The following FBLN7 variants were observed in gnomAD, a reference collection of about 807,000 sequenced individuals.
FBLN7 encodes the protein fibulin 7.
A neutral mutation model predicts 44.0 loss-of-function variants in FBLN7; 31 were observed. The observed-to-expected ratio is 0.70, with a 90% CI of 0.53 to 0.95. The LOEUF is 0.95. Ranked by LOEUF, FBLN7 falls within the 40% of genes least tolerant of loss-of-function variation. The pLI is 0.00. For missense variants in FBLN7, 573 were observed against 618.5 expected (o/e 0.93, Z 0.78); for synonymous variants, 262 against 253.4 (o/e 1.03, Z -0.32).
downstream of FBLN7, among the ~76,000 whole-genome samples, chr2:112,193,212 G>A (rs890203349): frequency 5.9e-5 from 9 of 152,172 alleles, no homozygotes; most frequent in African/African-American, 1.9e-4. Flanking sequence ...TGGCCAAGGC[G>A]AGTGGATCAC....
intron 4 of FBLN7, chr2:112,176,833 CAA>C (rs1179329563): frequency 6.6e-6 from 1 of 152,098 alleles, no homozygotes; most frequent in Non-Finnish European, 1.5e-5. Context: ...TGTTTACAAA[CAA>C]GAGGGAAAAA....
At chr2:112,229,748 G>A in the FBLN7 span, among the ~76,000 whole-genome samples, 10 of 152,132 alleles carry the variant, frequency 6.6e-5, no homozygotes, top group African/African-American at 1.9e-4. Context: ...CACCATTACT[G>A]TACCAACTGT....
rs1380238635 is a variant in FBLN7, at chr2:112,187,325, G to T, written c.1139G>T (p.Ser380Ile). The T allele has an allele frequency of 6.2e-7, 1 of 1,614,014 alleles. No individual in the cohort carries two copies. The highest frequency in any genetic ancestry group is 1.7e-5 in the Admixed American group (1 of 60,014). Residue 380 changes from serine to isoleucine, a missense_variant, in exon 8 of 8, where the codon AGC becomes ATC. By Grantham distance (142) the Ser-to-Ile change is moderately radical. Coordinates refer to ENST00000331203, the MANE Select transcript of FBLN7 (RefSeq NM_153214.3). This position sits in a 1 kb window ranked among gnomAD's most constrained non-coding sequence, Gnocchi z 5.1. ...SLRFGIVGGN[S>I]RGHFVMQRSD... ...CGGTTTGGGATCGTGGGTGGGAACA[G>T]CCGCGGCCACTTTGTGATGCAGCGT... is the stretch of plus-strand genomic sequence containing the variant.
chr2:112,237,213 C>A, the FBLN7 span, among the ~76,000 whole-genome samples: 50 of 152,100 alleles, frequency 3.3e-4, no homozygotes, highest in African/African-American at 1.2e-3. Flanking sequence ...ATCCTGGATT[C>A]CCCATTCATT....
chr2:112,238,387 C>A, the FBLN7 span: 2 of 1,613,568 alleles, frequency 1.2e-6, no homozygotes, highest in Non-Finnish European at 1.7e-6. Context: ...ATTTCTCTGG[C>A]TTGTATGTAC....
intron 7 of FBLN7, among the ~76,000 whole-genome samples, chr2:112,186,332 CT>C (rs1329253715): frequency 6.6e-6 from 1 of 152,150 alleles, no homozygotes; most frequent in Non-Finnish European, 1.5e-5. Flanking sequence ...GAAAACAGGG[CT>C]TCCTGCGTTG....
chr2:112,140,205 T>TCCCTCCCGCCTCTCTCCAGGCCAGC, intron 1 of FBLN7, among the ~76,000 whole-genome samples: 1 of 86,652 alleles, frequency 1.2e-5, no homozygotes, highest in East Asian at 3.8e-4. Context: ...TCCAGGCCAG[T>TCCCTCCCGCCTCTCTCCAGGCCAGC]GTCCCTCCCG....
the FBLN7 span, among the ~76,000 whole-genome samples, chr2:112,220,057 G>T: frequency 6.6e-6 from 1 of 152,298 alleles, no homozygotes; most frequent in Non-Finnish European, 1.5e-5. Flanking sequence ...CATGTGAGAT[G>T]ATCCTCCTGA....
chr2:112,229,287 C>T, the FBLN7 span, among the ~76,000 whole-genome samples: 1 of 152,208 alleles, frequency 6.6e-6, no homozygotes, highest in East Asian at 1.9e-4. Flanking sequence ...GATATGAGGC[C>T]TCTATCTGAT....
rs144675181 is a variant in FBLN7 at position 112,175,839 on chromosome 2, G to T, written c.532G>T (p.Ala178Ser). 1 of 1,613,758 alleles carries T rather than the reference G, an allele frequency of 6.2e-7. No homozygotes were observed. The highest frequency in any genetic ancestry group is 1.1e-5 in the South Asian group (1 of 91,020). ...GNRCQHQAQT[A>S]APEGSVAGDS... is the part of the protein sequence containing the mutation. ...CCGCTGTCAGCATCAGGCCCAGACT[G>T]GTATGTAGCCACCATGGGGTTAGGT... The change falls in exon 4 of 8, where the codon GCC becomes TCC. Residue 178 changes from alanine to serine, a missense_variant and splice_region_variant. By Grantham distance (99) the Ala-to-Ser change is moderately conservative. Coordinates refer to ENST00000331203, the MANE Select transcript of FBLN7 (RefSeq NM_153214.3).
the FBLN7 span, among the ~76,000 whole-genome samples, chr2:112,218,068 C>CA: frequency 6.6e-6 from 1 of 152,122 alleles, no homozygotes; most frequent in Non-Finnish European, 1.5e-5. Context: ...GTTGTTCTTT[C>CA]AAGTAAAAAT....
chr2:112,191,894 T>C (rs192805122), downstream of FBLN7, among the ~76,000 whole-genome samples: 1 of 152,338 alleles, frequency 6.6e-6, no homozygotes, highest in African/African-American at 2.4e-5. Flanking sequence ...ACAAAATGTA[T>C]TCAGAGTTTA....
At chr2:112,184,719 A>ATATATATGAATATGGTATATG (rs1558897178) in intron 6 of FBLN7, among the ~76,000 whole-genome samples, 58 of 148,570 alleles carry the variant, frequency 3.9e-4, no homozygotes, top group East Asian at 3.7e-3. Context: ...TGGTATATGT[A>ATATATATGAATATGGTATATG]TATATATGTA....
Position 112,187,848 on chromosome 2 carries a change from T to C in FBLN7, c.*342T>C. 1 of 439,176 alleles carries C rather than the reference T, an allele frequency of 2.3e-6. No homozygotes were observed. Among genetic ancestry groups the C allele is most frequent in the Middle Eastern group, 5.9e-4 (1 of 1,708 alleles). The allele number at this position is 439,176 out of a possible 1,614,324, so 27.2% of individuals were successfully genotyped here. A position where few individuals can be genotyped will look rare whatever the true frequency, so the allele number is the denominator to read the frequency against. ...TTGAACTAGCTGGGGAGAGAAAAGG[T>C]GGCAATGTGTGTCAGGTGACTATCA... On this transcript the variant is annotated 3_prime_UTR_variant, in exon 8 of 8. Transcript: ENST00000331203. This position sits in a 1 kb window ranked among gnomAD's most constrained non-coding sequence, Gnocchi z 5.1.
chr2:112,184,340 C>G (rs1461594700), intron 6 of FBLN7, among the ~76,000 whole-genome samples: 1 of 152,130 alleles, frequency 6.6e-6, no homozygotes, highest in African/African-American at 2.4e-5. Flanking sequence ...GGTGGCTCCC[C>G]GGTGACATCC....
intron 1 of FBLN7, among the ~76,000 whole-genome samples, chr2:112,142,054 T>A (rs1680672874): frequency 6.6e-6 from 1 of 152,220 alleles, no homozygotes; most frequent in South Asian, 2.1e-4. Flanking sequence ...TAGATGGTCA[T>A]TTAAAAATTC....
the FBLN7 span, chr2:112,231,823 A>T: frequency 1.3e-6 from 2 of 1,489,978 alleles, no homozygotes; most frequent in East Asian, 2.3e-5. Flanking sequence ...AAAGATTATT[A>T]AAAATTATAC....
rs1421741254 is a variant in FBLN7, at chr2:112,181,721, C to T, written c.533-18C>T. The stretch of plus-strand genomic sequence containing the variant: ...AGGTGCGCCAGGGCCCGGCACTGAG[C>T]GTGTCTTCTCCCCGCAGCCGCCCCC... On this transcript the variant is annotated intron_variant, in intron 4 of 7. Coordinates refer to ENST00000331203, the MANE Select transcript of FBLN7 (RefSeq NM_153214.3). 1 of 1,373,886 alleles carries T rather than the reference C, an allele frequency of 7.3e-7. No homozygotes were observed. Among genetic ancestry groups the T allele is most frequent in the Non-Finnish European group, 9.3e-7 (1 of 1,071,438 alleles). The allele number at this position is 1,373,886 out of a possible 1,614,324, so 85.1% of individuals were successfully genotyped here. A position where few individuals can be genotyped will look rare whatever the true frequency, so the allele number is the denominator to read the frequency against.
intron 3 of FBLN7, among the ~76,000 whole-genome samples, chr2:112,168,129 G>A (rs74792868): frequency 0.028 from 4,230 of 152,186 alleles, 77 homozygotes; most frequent in African/African-American, 0.046. Flanking sequence ...GTATCCTCCC[G>A]AGTCTTGCCC....
Sources: allele counts gnomAD v4.1 joint callset (sites outside exome capture counted in the v4.1 genomes callset), GRCh38; gene constraint gnomAD v4.1.1; non-coding constraint Gnocchi (gnomAD v3.1); transcripts MANE v1.5; gene names NCBI Gene and HGNC (gene_info 2026-07-23, HGNC 2026-07-21).